The following XRCC6 variants were observed in gnomAD, a reference collection of about 807,000 sequenced individuals.
XRCC6 encodes the protein DNA repair protein Ku70.
Under a neutral mutation model 65.7 loss-of-function variants are expected in XRCC6, and 5 were observed. The ratio of observed to expected loss-of-function variants is 0.08; its 90% CI spans 0.04 to 0.16. XRCC6 has a LOEUF of 0.16. XRCC6 is among the 10% of genes least tolerant of loss of function. XRCC6 has a pLI of 1.00. For missense variants in XRCC6, 447 were observed against 738.1 expected (o/e 0.61, Z 4.57); for synonymous variants, 270 against 270.6 (o/e 1.00, Z 0.02).
chr22:41,662,538 T>A (rs2068109419), intron 12 of XRCC6, among the ~76,000 whole-genome samples: 1 of 152,184 alleles, frequency 6.6e-6, no homozygotes, highest in South Asian at 2.1e-4. Flanking sequence ...TCTCATTTTT[T>A]AAAAAATGAG....
intron 11 of XRCC6, among the ~76,000 whole-genome samples, chr22:41,659,685 C>CTGG (rs2068082100): frequency 1.3e-5 from 2 of 151,928 alleles, no homozygotes; most frequent in African/African-American, 4.8e-5. Flanking sequence ...GACCTCAGTA[C>CTGG]ATTCATTCAT....
At chr22:41,653,766 A>T (rs2068021857) in intron 9 of XRCC6, 76 bp downstream of exon 9, 1 of 1,509,068 alleles carries the variant, frequency 6.6e-7, no homozygotes, top group Admixed American at 2.0e-5. Flanking sequence ...CCTAATGCAG[A>T]CCTACTGAAT....
At chr22:41,651,117 G>T (rs2067990343) in intron 8 of XRCC6, among the ~76,000 whole-genome samples, 1 of 152,152 alleles carries the variant, frequency 6.6e-6, no homozygotes, top group South Asian at 2.1e-4. Flanking sequence ...GGCCAACATG[G>T]TGAAACCTCG....
intron 12 of XRCC6, 96 bp from the exon 13 acceptor site, chr22:41,663,526 T>G: frequency 7.2e-7 from 1 of 1,392,344 alleles, no homozygotes. Flanking sequence ...TATGGTTAAT[T>G]GCAGCCCAGA....
chr22:41,636,273 G>A (rs200695907), intron 4 of XRCC6, 22 bp downstream of exon 4: 2 of 1,569,944 alleles, frequency 1.3e-6, no homozygotes, highest in African/African-American at 1.4e-5. Flanking sequence ...TTTAAGATCA[G>A]CTTTTCCCTT....
intron 6 of XRCC6, among the ~76,000 whole-genome samples, chr22:41,642,566 G>T (rs2067890337): frequency 6.6e-6 from 1 of 152,162 alleles, no homozygotes; most frequent in African/African-American, 2.4e-5. Flanking sequence ...TGATTTTGTG[G>T]TTCCACATAC....
At position 41,661,517 on chromosome 22, in the gene XRCC6, A is replaced by C. The variant is rs564516905; in HGVS notation, c.1636+73A>C. On this transcript the variant is annotated intron_variant, in intron 12 of 12. Transcript: ENST00000360079. ...TATGATAGTCTTATCACAGTGGGCAATATCCTTTCAGAAATATCTATTCAC... is the reference window on the plus strand; with the variant it reads ...TATGATAGTCTTATCACAGTGGGCACTATCCTTTCAGAAATATCTATTCAC... 2.4e-6 allele frequency: 3 copies of C among 1,242,694 alleles called. No homozygotes were observed. The African/African-American group carries it at 4.5e-5, about 19-fold the overall frequency. 77.0% of individuals were successfully genotyped at this position (1,242,694 alleles called of 1,614,324 possible).
chr22:41,638,554 G>A (rs186297982), intron 6 of XRCC6, among the ~76,000 whole-genome samples: 40 of 152,248 alleles, frequency 2.6e-4, no homozygotes, highest in Non-Finnish European at 4.6e-4. Context: ...GGGATGCCGA[G>A]GCGGGTGGAT....
intron 7 of XRCC6, among the ~76,000 whole-genome samples, chr22:41,648,401 TA>T (rs2067957779): frequency 6.6e-6 from 1 of 152,088 alleles, no homozygotes; most frequent in Non-Finnish European, 1.5e-5. Context: ...AAATACTTTA[TA>T]GTTAATTAGG....
At chr22:41,634,029 A>G (rs767903491) in intron 3 of XRCC6, among the ~76,000 whole-genome samples, 2 of 152,116 alleles carry the variant, frequency 1.3e-5, no homozygotes, top group African/African-American at 4.8e-5. Context: ...GGAAATGACT[A>G]CTTGCCATGT....
chr22:41,639,340 T>TTTTTTTTTTG, intron 6 of XRCC6, among the ~76,000 whole-genome samples: 1 of 121,136 alleles, frequency 8.3e-6, no homozygotes, highest in East Asian at 2.5e-4. Context: ...TTTTTTTTTT[T>TTTTTTTTTTG]TTTTTTTTTT....
At chr22:41,622,119 G>A (rs764558937) in intron 2 of XRCC6, 33 bp downstream of exon 2, 2 of 1,611,830 alleles carry the variant, frequency 1.2e-6, no homozygotes, top group African/African-American at 1.3e-5. Context: ...GCCATTCGGT[G>A]TGTGGAAGAA....
chr22:41,660,438 C>T (rs2068088952), intron 11 of XRCC6, among the ~76,000 whole-genome samples: 2 of 152,124 alleles, frequency 1.3e-5, no homozygotes. Context: ...TCTGTCACTT[C>T]TCATGTTTAT....
chr22:41,659,965 C>T (rs565118038), intron 11 of XRCC6, among the ~76,000 whole-genome samples: 1 of 152,348 alleles, frequency 6.6e-6, no homozygotes. Flanking sequence ...GGATTACAGG[C>T]AAGAGCCACT....
chr22:41,643,549 G>A (rs977693253), intron 6 of XRCC6, among the ~76,000 whole-genome samples: 2 of 152,092 alleles, frequency 1.3e-5, no homozygotes, highest in African/African-American at 4.8e-5. Context: ...GGCCGGGCGC[G>A]CTGGCTCATG....
intron 11 of XRCC6, 60 bp downstream of exon 11, chr22:41,658,412 G>A: frequency 1.3e-6 from 2 of 1,514,142 alleles, no homozygotes; most frequent in Non-Finnish European, 1.8e-6. Flanking sequence ...GTTCCACTCT[G>A]CACCAGTAAT....
At chr22:41,661,879 A>G (rs1048162577) in intron 12 of XRCC6, among the ~76,000 whole-genome samples, 1 of 152,246 alleles carries the variant, frequency 6.6e-6, no homozygotes, top group African/African-American at 2.4e-5. Flanking sequence ...AAAATGTGGT[A>G]CACGTACACA....
chr22:41,661,506 C>T, intron 12 of XRCC6, 62 bp downstream of exon 12: 1 of 1,355,028 alleles, frequency 7.4e-7, no homozygotes, highest in Non-Finnish European at 1.0e-6. Flanking sequence ...ATAGTCTTAT[C>T]ACAGTGGGCA....
intron 6 of XRCC6, among the ~76,000 whole-genome samples, chr22:41,639,007 C>T (rs971786150): frequency 2.6e-5 from 4 of 152,086 alleles, no homozygotes; most frequent in Admixed American, 6.6e-5. Context: ...GACAAACTTA[C>T]GACAGCTATG....
Sources: allele counts gnomAD v4.1 joint callset (sites outside exome capture counted in the v4.1 genomes callset), GRCh38; gene constraint gnomAD v4.1.1; transcripts MANE v1.5; gene names NCBI Gene and HGNC (gene_info 2026-07-23, HGNC 2026-07-21).